The following GPC3 variants were observed in gnomAD, a reference collection of about 807,000 sequenced individuals.
The protein encoded by GPC3 is glypican 3.
GPC3 carries 3 observed loss-of-function variants against 34.4 expected under a neutral mutation model. The observed-to-expected ratio is 0.09, with a 90% confidence interval of 0.04 to 0.23. The LOEUF (loss-of-function observed/expected upper bound fraction) is 0.23, where lower values mean the gene tolerates loss of function less well. Ranked by LOEUF, GPC3 falls within the 10% of genes least tolerant of loss-of-function variation. The pLI, the probability that GPC3 is intolerant of heterozygous loss-of-function variation, is 1.00. For synonymous variants in GPC3, 177 were observed against 174.0 expected (o/e 1.02, Z -0.13); for missense variants, 351 against 445.6 (o/e 0.79, Z 1.91).
intron 2 of GPC3, among the ~76,000 whole-genome samples, chrX:133,871,493 G>C (rs777683700): frequency 7.1e-5 from 8 of 111,898 alleles, no homozygotes; most frequent in Non-Finnish European, 1.3e-4. Context: ...ATCTCACATA[G>C]CAGGTACACA....
rs778919435 is a variant in GPC3 at position 133,669,522 on chromosome X, C to T, written c.1293-7672G>A. 2.7e-5 allele frequency among the ~76,000 whole-genome samples: 3 copies of T among 112,242 alleles called. No homozygotes were observed. In the South Asian group the frequency reaches 1.1e-3, roughly 42 times the overall value. On this transcript the variant is annotated intron_variant, in intron 5 of 7. Coordinates refer to ENST00000370818, the MANE Select transcript of GPC3 (RefSeq NM_004484.4). The stretch of plus-strand genomic sequence containing the variant: ...TGCCACTGGAGCACGTGGTTCACGA[C>T]AGGCCTTGAATGAGGATGAGCCAGC...
intron 6 of GPC3, among the ~76,000 whole-genome samples, chrX:133,623,195 A>C (rs1045691060): frequency 4.5e-5 from 5 of 112,195 alleles, no homozygotes; most frequent in African/African-American, 1.6e-4. Context: ...GGTACCAGAC[A>C]CTGCAAAAAC....
chrX:133,859,080 C>CAA (rs561711766), intron 2 of GPC3, among the ~76,000 whole-genome samples: 3 of 40,742 alleles, frequency 7.4e-5, no homozygotes, highest in Non-Finnish European at 4.7e-5. Context: ...GACTCTGTCT[C>CAA]AAAAAAAAAA....
intron 7 of GPC3, among the ~76,000 whole-genome samples, chrX:133,577,015 T>C (rs1215705211): frequency 9.0e-6 from 1 of 111,432 alleles, no homozygotes; most frequent in East Asian, 2.8e-4. Flanking sequence ...ATGATCTGAG[T>C]TCAGGGTTAA....
At chrX:133,687,092 A>ATTTATT (rs1556257630) in intron 5 of GPC3, among the ~76,000 whole-genome samples, 20 of 69,247 alleles carry the variant, frequency 2.9e-4, no homozygotes, top group African/African-American at 1.5e-3. Flanking sequence ...TGGCCGGCTA[A>ATTTATT]TTTTTTTTTT....
intron 1 of GPC3, among the ~76,000 whole-genome samples, chrX:133,953,952 G>A (rs750379949): frequency 1.3e-4 from 14 of 111,869 alleles, no homozygotes; most frequent in African/African-American, 3.9e-4. Flanking sequence ...AACAAACTGT[G>A]GTATATCTAT....
intron 1 of GPC3, among the ~76,000 whole-genome samples, chrX:133,966,001 T>C (rs2076461801): frequency 8.9e-6 from 1 of 111,769 alleles, no homozygotes; most frequent in South Asian, 3.8e-4. Context: ...AAATTTTCTG[T>C]AAGGTCAGCT....
At chrX:133,642,772 C>CAAA (rs375514321) in intron 6 of GPC3, among the ~76,000 whole-genome samples, 3 of 25,706 alleles carry the variant, frequency 1.2e-4, no homozygotes, top group Admixed American at 5.5e-4. Flanking sequence ...AACTACGTCT[C>CAAA]AAAAAAAAAA....
Position 133,715,125 on chromosome X carries a change from T to A in GPC3, c.1033-15097A>T, listed in dbSNP as rs147628272. 5.2e-3 allele frequency among the ~76,000 whole-genome samples: 578 copies of A among 112,051 alleles called. 3 individuals are homozygous for A. Among genetic ancestry groups the A allele is most frequent in the African/African-American group, 0.017 (539 of 30,901 alleles). ...CCATTTAATCAGCTGTCAGTGTGACTAGAATAAAGCAGGCAGAAGAATGTG... is the reference window on the plus strand; with the variant it reads ...CCATTTAATCAGCTGTCAGTGTGACAAGAATAAAGCAGGCAGAAGAATGTG... On this transcript the variant is annotated intron_variant, in intron 3 of 7. Coordinates refer to ENST00000370818, the MANE Select transcript of GPC3 (RefSeq NM_004484.4).
At chrX:133,874,280 AC>A (rs924057887) in intron 2 of GPC3, among the ~76,000 whole-genome samples, 15 of 111,702 alleles carry the variant, frequency 1.3e-4, no homozygotes, top group African/African-American at 4.9e-4. Context: ...TTTTGTGTGA[AC>A]TTTTCTGTTT....
chrX:133,815,620 C>T (rs1215383517), intron 2 of GPC3, among the ~76,000 whole-genome samples: 1 of 112,192 alleles, frequency 8.9e-6, no homozygotes, highest in Non-Finnish European at 1.9e-5. Context: ...TGAACTCCTG[C>T]CAATTTTTCA....
chrX:133,585,353 G>A (rs1477840815), intron 7 of GPC3, among the ~76,000 whole-genome samples: 6 of 110,895 alleles, frequency 5.4e-5, no homozygotes, highest in Non-Finnish European at 9.4e-5. Context: ...CTCCGAGCAG[G>A]ACCTCAGCCC....
chrX:133,652,082 C>T (rs2070609633), intron 6 of GPC3, among the ~76,000 whole-genome samples: 1 of 112,258 alleles, frequency 8.9e-6, no homozygotes, highest in African/African-American at 3.2e-5. Flanking sequence ...TAAGATGTGA[C>T]ACCAGACTTT....
intron 7 of GPC3, among the ~76,000 whole-genome samples, chrX:133,541,986 G>A (rs1202288013): frequency 9.0e-6 from 1 of 111,625 alleles, no homozygotes; most frequent in Non-Finnish European, 1.9e-5. Flanking sequence ...ATTTCTCTCT[G>A]ATTCCAAGGC....
At chrX:133,639,467 C>T (rs1368974495) in intron 6 of GPC3, among the ~76,000 whole-genome samples, 1 of 111,937 alleles carries the variant, frequency 8.9e-6, no homozygotes, top group Non-Finnish European at 1.9e-5. Flanking sequence ...AAACAATAAA[C>T]ATTTAGAGTA....
intron 2 of GPC3, among the ~76,000 whole-genome samples, chrX:133,835,144 A>G (rs7056822): frequency 0.046 from 5,108 of 112,062 alleles, 302 homozygotes; most frequent in African/African-American, 0.16. Flanking sequence ...AAATTTGGTC[A>G]CTTAAATAAA....
intron 2 of GPC3, among the ~76,000 whole-genome samples, chrX:133,913,159 T>C (rs1173149859): frequency 9.2e-6 from 1 of 108,424 alleles, no homozygotes; most frequent in Non-Finnish European, 1.9e-5. Context: ...GAATGAAGAG[T>C]AGAGAGACAA....
chrX:133,627,584 C>T (rs1001004514), intron 6 of GPC3, among the ~76,000 whole-genome samples: 2 of 112,100 alleles, frequency 1.8e-5, no homozygotes, highest in Non-Finnish European at 3.8e-5. Context: ...CATAGCTACA[C>T]TCTTTCCTCT....
chrX:133,692,574 A>G (rs941096798), intron 4 of GPC3, 80 bp from the exon 5 acceptor site: 1 of 883,323 alleles, frequency 1.1e-6, no homozygotes. Context: ...TATCAGCATG[A>G]CAGAAAGGCT....
Sources: allele counts gnomAD v4.1 joint callset (sites outside exome capture counted in the v4.1 genomes callset), GRCh38; gene constraint gnomAD v4.1.1; transcripts MANE v1.5; gene names NCBI Gene and HGNC (gene_info 2026-07-23, HGNC 2026-07-21).